Variants in VPS50 observed in about 807,000 individuals in gnomAD.
The protein encoded by VPS50 is syndetin.
In VPS50, 70 loss-of-function variants were observed where a neutral mutation model predicts 139.7. The observed-to-expected ratio is 0.50, with a 90% CI of 0.41 to 0.61. The LOEUF (loss-of-function observed/expected upper bound fraction) is 0.61, where lower values mean the gene tolerates loss of function less well. Ranked by LOEUF, VPS50 falls within the 20% of genes least tolerant of loss-of-function variation. The pLI is 0.00. For missense variants in VPS50, 921 were observed against 1,133.7 expected (o/e 0.81, Z 2.69); for synonymous variants, 365 against 376.7 (o/e 0.97, Z 0.36).
intron 19 of VPS50, among the ~76,000 whole-genome samples, chr7:93,310,552 A>G (rs1409299787): frequency 1.3e-5 from 2 of 151,904 alleles, no homozygotes; most frequent in Non-Finnish European, 1.5e-5. Context: ...GATAAGGTTC[A>G]TATCCCTCAG....
intron 27 of VPS50, 28 bp from the exon 28 acceptor site, chr7:93,358,289 T>C (rs778897073): frequency 1.9e-6 from 3 of 1,610,504 alleles, no homozygotes; most frequent in Non-Finnish European, 2.5e-6. Context: ...TTTAGGGTAC[T>C]AAATTTGGAT....
At chr7:93,319,580 ATT>A (rs1043233233) in intron 20 of VPS50, among the ~76,000 whole-genome samples, 21 of 152,244 alleles carry the variant, frequency 1.4e-4, no homozygotes, top group African/African-American at 4.8e-4. Context: ...TTGCAGATGA[ATT>A]TCTCTCTCTT....
At chr7:93,280,597 A>AAACC (rs2116907553) in intron 12 of VPS50, among the ~76,000 whole-genome samples, 1 of 152,254 alleles carries the variant, frequency 6.6e-6, no homozygotes, top group African/African-American at 2.4e-5. Flanking sequence ...CTTTGTAGAG[A>AAACC]AACCCTTTGT....
Position 93,356,020 on chromosome 7 carries a change from T to G in VPS50, c.2715T>G (p.Thr905=). The G allele has an allele frequency of 6.3e-7, 1 of 1,580,550 alleles. No individual in the cohort carries two copies. The change falls in exon 27 of 28, where the codon ACT becomes ACG. Residue 905 remains threonine, a synonymous_variant. Coordinates refer to ENST00000305866, the MANE Select transcript of VPS50 (RefSeq NM_017667.4). ...TTCCTGATAAAGAATTTGTAGAAAC[T>G]TATATTAAAGCTTATTACCTAACTG... The part of the protein sequence containing the change: ...RPIPDKEFVE[T]YIKAYYLTEN...
chr7:93,250,553 T>C (rs1156989945), intron 2 of VPS50, among the ~76,000 whole-genome samples: 1 of 152,118 alleles, frequency 6.6e-6, no homozygotes, highest in East Asian at 1.9e-4. Flanking sequence ...CCAAGATGGA[T>C]TAAAGACTTA....
intron 23 of VPS50, among the ~76,000 whole-genome samples, chr7:93,345,350 G>C (rs144974794): frequency 5.9e-5 from 9 of 151,618 alleles, no homozygotes; most frequent in African/African-American, 4.9e-5. Context: ...GCTTACCAAC[G>C]AAAAAGAGTC....
chr7:93,246,243 G>T, intron 2 of VPS50: 1 of 693,392 alleles, frequency 1.4e-6, no homozygotes, highest in East Asian at 2.7e-5. Context: ...GTGGCAAACC[G>T]CAAATCATGC....
intron 2 of VPS50, chr7:93,246,106 A>G: frequency 6.6e-7 from 1 of 1,515,916 alleles, no homozygotes; most frequent in Non-Finnish European, 8.8e-7. Flanking sequence ...TTTCAGTTAG[A>G]GCCCTAACGT....
intron 23 of VPS50, among the ~76,000 whole-genome samples, chr7:93,347,782 CA>C (rs1399358978): frequency 7.3e-6 from 1 of 136,314 alleles, no homozygotes; most frequent in African/African-American, 2.8e-5. Context: ...ACAATGAGAA[CA>C]CACGGACACA....
chr7:93,236,937 CTTTTTTTT>C (rs71107889), intron 1 of VPS50, among the ~76,000 whole-genome samples: 5 of 31,062 alleles, frequency 1.6e-4, no homozygotes, highest in African/African-American at 4.9e-4. Flanking sequence ...TCTTTTACTT[CTTTTTTTT>C]TTTTTTTTTT....
intron 10 of VPS50, among the ~76,000 whole-genome samples, chr7:93,272,045 T>A (rs1242435831): frequency 1.3e-5 from 2 of 151,822 alleles, no homozygotes; most frequent in African/African-American, 4.8e-5. Flanking sequence ...AATATTTTAA[T>A]GAAGGCTTTC....
chr7:93,353,266 T>A (rs934062751), intron 25 of VPS50, among the ~76,000 whole-genome samples: 2 of 152,212 alleles, frequency 1.3e-5, no homozygotes, highest in Non-Finnish European at 2.9e-5. Context: ...TCAAACCATG[T>A]TTTTAAACCT....
At chr7:93,352,705 G>A (rs1317552673) in intron 25 of VPS50, among the ~76,000 whole-genome samples, 3 of 152,074 alleles carry the variant, frequency 2.0e-5, no homozygotes, top group Non-Finnish European at 4.4e-5. Flanking sequence ...CACATCCATT[G>A]AAGGCTAAAC....
intron 9 of VPS50, among the ~76,000 whole-genome samples, chr7:93,268,727 T>C (rs1414056758): frequency 6.6e-6 from 1 of 152,204 alleles, no homozygotes; most frequent in Non-Finnish European, 1.5e-5. Flanking sequence ...CAGTCTGTCA[T>C]TGATGGGCAT....
chr7:93,360,821 A>G lies in VPS50; in HGVS notation c.*2385A>G, dbSNP rs926830729. ...GCATTTAAAAATGCTAGGGGGGCAC[A>G]TAGCAATTCAAATGAACTAGTTTGC... On this transcript the variant is annotated 3_prime_UTR_variant, in exon 28 of 28. Coordinates refer to ENST00000305866, the MANE Select transcript of VPS50 (RefSeq NM_017667.4). The G allele has an allele frequency of 4.2e-4, 64 of 152,224 alleles. No homozygotes were observed. Among genetic ancestry groups the G allele is most frequent in the Middle Eastern group, 3.4e-3 (1 of 294 alleles). The allele number at this position is 152,224 out of a possible 1,614,324, so 9.4% of individuals were successfully genotyped here. A position where few individuals can be genotyped will look rare whatever the true frequency, so the allele number is the denominator to read the frequency against.
At chr7:93,284,536 G>A (rs1796426288) in intron 12 of VPS50, among the ~76,000 whole-genome samples, 1 of 152,014 alleles carries the variant, frequency 6.6e-6, no homozygotes, top group Admixed American at 6.5e-5. Context: ...CATATTACAT[G>A]TCTTATGTGT....
chr7:93,250,994 A>G (rs1292155984), intron 2 of VPS50, among the ~76,000 whole-genome samples: 1 of 152,246 alleles, frequency 6.6e-6, no homozygotes, highest in Non-Finnish European at 1.5e-5. Flanking sequence ...ATTTCACGCC[A>G]GTTAGAATGG....
chr7:93,342,134 C>A (rs1798230667), intron 23 of VPS50, among the ~76,000 whole-genome samples: 1 of 152,178 alleles, frequency 6.6e-6, no homozygotes, highest in African/African-American at 2.4e-5. Flanking sequence ...TGTGCATGAG[C>A]CGAAGCAGGG....
intron 12 of VPS50, among the ~76,000 whole-genome samples, chr7:93,278,434 A>C (rs1416795681): frequency 7.9e-6 from 1 of 125,806 alleles, no homozygotes; most frequent in Non-Finnish European, 1.6e-5. Flanking sequence ...CTAAAAATAC[A>C]AAAAAAAAAA....
Sources: allele counts gnomAD v4.1 joint callset (sites outside exome capture counted in the v4.1 genomes callset), GRCh38; gene constraint gnomAD v4.1.1; transcripts MANE v1.5; gene names NCBI Gene and HGNC (gene_info 2026-07-23, HGNC 2026-07-21).